Variants in PGD observed in about 807,000 individuals in gnomAD.
The protein encoded by PGD is phosphogluconate dehydrogenase.
PGD carries 21 observed loss-of-function variants against 60.4 expected under a neutral mutation model. The observed-to-expected ratio is 0.35, with a 90% CI of 0.25 to 0.50. The LOEUF is 0.50. PGD is among the 20% of genes least tolerant of loss of function. PGD has a pLI of 0.98. For missense variants in PGD, 477 were observed against 613.1 expected (o/e 0.78, Z 2.34); for synonymous variants, 230 against 235.9 (o/e 0.97, Z 0.23).
chr1:10,400,590 C>G lies in PGD; in HGVS notation c.264+18C>G. The G allele has an allele frequency of 1.3e-6, 2 of 1,592,984 alleles. No homozygotes were observed. The highest frequency in any genetic ancestry group is 1.4e-5 in the African/African-American group (1 of 73,982). ...AGAAATTGGTGAGGCCAGCTGTGCTCTCAGCTGCTACCACGATAGCAGCTG... is the reference window on the plus strand; with the variant it reads ...AGAAATTGGTGAGGCCAGCTGTGCTGTCAGCTGCTACCACGATAGCAGCTG... On this transcript the variant is annotated intron_variant, in intron 3 of 12. Transcript: ENST00000270776.
chr1:10,406,591 G>A (rs923945220), intron 5 of PGD, among the ~76,000 whole-genome samples: 5 of 152,174 alleles, frequency 3.3e-5, no homozygotes, highest in South Asian at 4.1e-4. Flanking sequence ...GTTCAGTGAA[G>A]CTCTGCGGTT....
At chr1:10,418,027 T>C (rs1639625653) in intron 10 of PGD, among the ~76,000 whole-genome samples, 1 of 152,228 alleles carries the variant, frequency 6.6e-6, no homozygotes, top group Non-Finnish European at 1.5e-5. Context: ...TTACACCTAC[T>C]ACACTACACC....
intron 6 of PGD, 85 bp downstream of exon 6, chr1:10,408,225 C>A: frequency 2.5e-6 from 2 of 798,956 alleles, no homozygotes; most frequent in South Asian, 1.3e-5. Flanking sequence ...CCACCGTGGT[C>A]TCCCAGGGGT....
chr1:10,417,352 G>A, intron 9 of PGD, 24 bp from the exon 10 acceptor site: 3 of 1,591,770 alleles, frequency 1.9e-6, no homozygotes, highest in South Asian at 1.1e-5. Flanking sequence ...GGCAATCCTA[G>A]TAGGTCTCTG....
intron 2 of PGD, chr1:10,399,968 G>C: frequency 3.6e-6 from 2 of 557,464 alleles, no homozygotes; most frequent in Non-Finnish European, 6.5e-6. Flanking sequence ...GAGAAGAAGG[G>C]TGCGGGAGGA....
At chr1:10,402,457 AG>A (rs1639330661) in intron 3 of PGD, among the ~76,000 whole-genome samples, 1 of 151,552 alleles carries the variant, frequency 6.6e-6, no homozygotes, top group African/African-American at 2.4e-5. Flanking sequence ...CCTCCTGCCA[AG>A]CCAGGAGGCT....
chr1:10,418,386 C>T (rs530958226), intron 10 of PGD, among the ~76,000 whole-genome samples: 1 of 152,216 alleles, frequency 6.6e-6, no homozygotes, highest in African/African-American at 2.4e-5. Context: ...TTTTTCTAAA[C>T]AGGAAAAGGG....
At chr1:10,404,486 T>C (rs187753013) in intron 5 of PGD, among the ~76,000 whole-genome samples, 61 of 152,292 alleles carry the variant, frequency 4.0e-4, no homozygotes, top group African/African-American at 1.4e-3. Context: ...TCTTCTGTTA[T>C]TTCTATCAAG....
chr1:10,399,359 G>A, intron 1 of PGD: 1 of 545,562 alleles, frequency 1.8e-6, no homozygotes. Context: ...CCCTTCGAGG[G>A]CCAGGGAGGA....
intron 9 of PGD, 32 bp downstream of exon 9, chr1:10,417,149 T>A (rs1390928294): frequency 1.2e-6 from 2 of 1,612,438 alleles, no homozygotes; most frequent in East Asian, 4.5e-5. Context: ...TGGTCTTTGT[T>A]GGTCCTGCGG....
intron 6 of PGD, 44 bp downstream of exon 6, chr1:10,408,184 G>A (rs748383600): frequency 1.5e-5 from 16 of 1,102,282 alleles, no homozygotes; most frequent in South Asian, 8.6e-5. Context: ...CAACATGGGC[G>A]TGTCTAAGTG....
intron 5 of PGD, 112 bp from the exon 6 acceptor site, chr1:10,407,959 A>G (rs1639434412): frequency 5.5e-6 from 4 of 728,324 alleles, no homozygotes; most frequent in Non-Finnish European, 9.8e-6. Flanking sequence ...AAAAAAAAAA[A>G]AAAAGAAAGG....
At chr1:10,400,680 C>T in intron 3 of PGD, 108 bp downstream of exon 3, 1 of 814,652 alleles carries the variant, frequency 1.2e-6, no homozygotes, top group Non-Finnish European at 1.9e-6. Flanking sequence ...TCAATTTCTG[C>T]TAAGCTCTGA....
chr1:10,401,185 C>T (rs1014457034), intron 3 of PGD, among the ~76,000 whole-genome samples: 1 of 151,896 alleles, frequency 6.6e-6, no homozygotes, highest in East Asian at 1.9e-4. Context: ...GGCGACAGAG[C>T]GAGACTCCGT....
Position 10,419,884 on chromosome 1 carries a change from C to T in PGD, c.*135C>T, listed in dbSNP as rs1011042736. ...TGTTGTAAGAGACTCCTGAGGAAGA[C>T]ACACAGTTTATTTGTAAAGTAGCTC... On this transcript the variant is annotated 3_prime_UTR_variant, in exon 13 of 13. Coordinates refer to ENST00000270776, the MANE Select transcript of PGD (RefSeq NM_002631.4). 7.5e-6 allele frequency: 8 copies of T among 1,059,786 alleles called. No homozygotes were observed. Among genetic ancestry groups the T allele is most frequent in the African/African-American group, 6.3e-5 (4 of 63,504 alleles). The allele number at this position is 1,059,786 out of a possible 1,614,324, so 65.6% of individuals were successfully genotyped here. A position where few individuals can be genotyped will look rare whatever the true frequency, so the allele number is the denominator to read the frequency against.
intron 5 of PGD, among the ~76,000 whole-genome samples, chr1:10,404,895 A>C (rs1265613328): frequency 6.6e-6 from 1 of 152,126 alleles, no homozygotes; most frequent in Non-Finnish European, 1.5e-5. Flanking sequence ...ATATAACCCA[A>C]AAGTAACTTA....
intron 3 of PGD, among the ~76,000 whole-genome samples, chr1:10,401,363 C>T (rs940500344): frequency 3.9e-5 from 6 of 152,152 alleles, no homozygotes; most frequent in Admixed American, 1.3e-4. Context: ...CAAAATAATT[C>T]TATAGTAACA....
intron 5 of PGD, 107 bp from the exon 6 acceptor site, chr1:10,407,961 AAAG>A (rs1460345404): frequency 4.1e-6 from 3 of 723,914 alleles, no homozygotes; most frequent in Non-Finnish European, 4.9e-6. Context: ...AAAAAAAAAA[AAAG>A]AAAGGAAAAG....
At chr1:10,418,404 C>T (rs1201958150) in intron 10 of PGD, among the ~76,000 whole-genome samples, 1 of 152,134 alleles carries the variant, frequency 6.6e-6, no homozygotes, top group Non-Finnish European at 1.5e-5. Context: ...GGGTTAACAG[C>T]TTGAAGAAAT....
Sources: allele counts gnomAD v4.1 joint callset (sites outside exome capture counted in the v4.1 genomes callset), GRCh38; gene constraint gnomAD v4.1.1; transcripts MANE v1.5; gene names NCBI Gene and HGNC (gene_info 2026-07-23, HGNC 2026-07-21).